The following KCNIP1 variants were observed in gnomAD, a reference collection of about 807,000 sequenced individuals.
KCNIP1 encodes the protein A-type potassium channel modulatory protein KCNIP1.
Under a neutral mutation model 33.0 loss-of-function variants are expected in KCNIP1, and 18 were observed. That is an observed-to-expected ratio of 0.55 (90% confidence interval 0.38 to 0.81). KCNIP1 has a LOEUF of 0.81. KCNIP1 is among the 30% of genes least tolerant of loss of function. KCNIP1 has a pLI of 0.00. For missense variants in KCNIP1, 238 were observed against 271.6 expected, an observed-to-expected ratio of 0.88 and a Z score of 0.87; for synonymous variants, 93 against 98.3, an observed-to-expected ratio of 0.95 and a Z score of 0.32.
intron 1 of KCNIP1, among the ~76,000 whole-genome samples, chr5:170,391,304 A>G (rs981044123): frequency 2.6e-5 from 4 of 152,164 alleles, no homozygotes; most frequent in Non-Finnish European, 4.4e-5. Flanking sequence ...GATACTCTGA[A>G]TAAGTTATTA....
intron 1 of KCNIP1, among the ~76,000 whole-genome samples, chr5:170,574,793 T>G (rs1198550060): frequency 6.6e-6 from 1 of 152,162 alleles, no homozygotes; most frequent in Admixed American, 6.5e-5. Flanking sequence ...ATACTCACAC[T>G]GGGACCACAC....
At chr5:170,435,444 A>AC (rs1056754668) in intron 1 of KCNIP1, among the ~76,000 whole-genome samples, 4 of 152,222 alleles carry the variant, frequency 2.6e-5, no homozygotes, top group South Asian at 2.1e-4. Context: ...CAGACAGCGC[A>AC]CCCCCAACAC....
At chr5:170,370,288 C>T (rs1035415468) in intron 1 of KCNIP1, among the ~76,000 whole-genome samples, 10 of 152,166 alleles carry the variant, frequency 6.6e-5, no homozygotes, top group African/African-American at 1.9e-4. Context: ...TTTTATGCAC[C>T]GTGCTGAGTA....
chr5:170,512,573 A>G, intron 1 of KCNIP1, among the ~76,000 whole-genome samples: 1 of 152,226 alleles, frequency 6.6e-6, no homozygotes, highest in East Asian at 1.9e-4. Context: ...AATCTAGAAA[A>G]TGAAAGTATT....
chr5:170,612,572 G>T (rs1228676875), intron 1 of KCNIP1, among the ~76,000 whole-genome samples: 2 of 152,158 alleles, frequency 1.3e-5, no homozygotes, highest in African/African-American at 4.8e-5. Flanking sequence ...TGAGCCAGAG[G>T]TCAGGAATCA....
At chr5:170,431,993 A>T (rs1464893595) in intron 1 of KCNIP1, among the ~76,000 whole-genome samples, 2 of 150,910 alleles carry the variant, frequency 1.3e-5, no homozygotes, top group African/African-American at 4.9e-5. Context: ...GTTTGGCCTC[A>T]ATGGCATTTT....
rs1764244872 is a variant in KCNIP1 at position 170,381,624 on chromosome 5, C to T, written c.88+27660C>T. ...CTGCAGCCTGCTATCAGCACCACAC[C>T]TGGTCAAGCCTGGGCGGCAGGGGAG... On this transcript the variant is annotated intron_variant, in intron 1 of 7. Coordinates refer to the KCNIP1 transcript ENST00000377360. Among the ~76,000 whole-genome samples the T allele has an allele frequency of 2.0e-5, 3 of 152,340 alleles. No homozygotes were observed. In the South Asian group the frequency reaches 6.2e-4, roughly 32 times the overall value.
At chr5:170,661,366 A>C (rs1761478568) in intron 1 of KCNIP1, among the ~76,000 whole-genome samples, 1 of 152,156 alleles carries the variant, frequency 6.6e-6, no homozygotes. Context: ...TTCCTGTCTG[A>C]CCTTGGCTGA....
intron 1 of KCNIP1, among the ~76,000 whole-genome samples, chr5:170,612,660 C>T (rs1275455039): frequency 1.3e-5 from 2 of 152,160 alleles, no homozygotes; most frequent in Non-Finnish European, 2.9e-5. Context: ...AGTGGAGTCC[C>T]GTTGTCATGG....
chr5:170,413,322 C>T (rs1051327069), intron 1 of KCNIP1, among the ~76,000 whole-genome samples: 3 of 152,202 alleles, frequency 2.0e-5, no homozygotes, highest in African/African-American at 7.2e-5. Context: ...ACTCATCGTG[C>T]CTGGCCTTGG....
intron 1 of KCNIP1, among the ~76,000 whole-genome samples, chr5:170,695,169 C>T (rs936574446): frequency 1.3e-4 from 20 of 152,284 alleles, no homozygotes; most frequent in Middle Eastern, 6.8e-3. Flanking sequence ...ACCCATCCCC[C>T]GGCCACCCAA....
At chr5:170,368,814 C>G (rs1157087775) in intron 1 of KCNIP1, among the ~76,000 whole-genome samples, 1 of 152,228 alleles carries the variant, frequency 6.6e-6, no homozygotes, top group Non-Finnish European at 1.5e-5. Flanking sequence ...TCAGCCCACT[C>G]CCTAGTCCTG....
At chr5:170,735,202 T>C (rs1323588259) in intron 7 of KCNIP1, among the ~76,000 whole-genome samples, 1 of 152,266 alleles carries the variant, frequency 6.6e-6, no homozygotes, top group Non-Finnish European at 1.5e-5. Flanking sequence ...ACTGTATGTC[T>C]CTATTGCATG....
intron 1 of KCNIP1, among the ~76,000 whole-genome samples, chr5:170,509,877 T>A (rs1754870533): frequency 6.6e-6 from 1 of 152,248 alleles, no homozygotes; most frequent in South Asian, 2.1e-4. Context: ...ACTCTTTTGC[T>A]GAAACAAAAG....
intron 1 of KCNIP1, among the ~76,000 whole-genome samples, chr5:170,403,663 G>A (rs981623290): frequency 4.6e-5 from 7 of 152,212 alleles, no homozygotes; most frequent in African/African-American, 1.7e-4. Context: ...CTCTGGGATG[G>A]AAGCCGTGGT....
chr5:170,604,537 A>G (rs1176962688), intron 1 of KCNIP1, among the ~76,000 whole-genome samples: 1 of 152,186 alleles, frequency 6.6e-6, no homozygotes, highest in African/African-American at 2.4e-5. Context: ...GGAGAAGCCA[A>G]TGGATCTCTG....
intron 1 of KCNIP1, among the ~76,000 whole-genome samples, chr5:170,571,950 A>C (rs1182143593): frequency 6.6e-6 from 1 of 152,202 alleles, no homozygotes; most frequent in Admixed American, 6.5e-5. Flanking sequence ...CTCACATTTA[A>C]TAGAGATGTG....
At chr5:170,476,601 G>A (rs571689370) in intron 1 of KCNIP1, among the ~76,000 whole-genome samples, 1 of 152,272 alleles carries the variant, frequency 6.6e-6, no homozygotes, top group East Asian at 1.9e-4. Context: ...TTCAGTGGTG[G>A]CTTGTATCAA....
At chr5:170,457,241 A>G (rs185443575) in intron 1 of KCNIP1, among the ~76,000 whole-genome samples, 2 of 152,358 alleles carry the variant, frequency 1.3e-5, no homozygotes, top group African/African-American at 4.8e-5. Context: ...TCAAGTAGAA[A>G]TAGAAAATCT....
Sources: allele counts gnomAD v4.1 joint callset (sites outside exome capture counted in the v4.1 genomes callset), GRCh38; gene constraint gnomAD v4.1.1; transcripts MANE v1.5; gene names NCBI Gene and HGNC (gene_info 2026-07-23, HGNC 2026-07-21).